RELN: variants seen among roughly 807,000 people sequenced by gnomAD.
RELN encodes the protein reelin.
In RELN, 108 loss-of-function variants were observed where a neutral mutation model predicts 427.6. The ratio of observed to expected loss-of-function variants is 0.25; its 90% CI spans 0.22 to 0.30. The LOEUF is 0.30. Ranked by LOEUF, RELN falls within the 10% of genes least tolerant of loss-of-function variation. RELN has a pLI of 1.00. For synonymous variants in RELN, 1,524 were observed against 1,513.4 expected (o/e 1.01, Z -0.16); for missense variants, 3,715 against 4,302.8 (o/e 0.86, Z 3.82).
At chr7:103,917,921 T>C (rs999605832) in intron 1 of RELN, among the ~76,000 whole-genome samples, 2 of 152,126 alleles carry the variant, frequency 1.3e-5, no homozygotes, top group Non-Finnish European at 2.9e-5. Flanking sequence ...CATAATTTCC[T>C]GCTTGACGTA....
chr7:103,934,345 C>T (rs955106419), intron 1 of RELN, among the ~76,000 whole-genome samples: 18 of 152,170 alleles, frequency 1.2e-4, no homozygotes, highest in Admixed American at 6.5e-4. Flanking sequence ...CTGCCAGACA[C>T]ATTATTTCTT....
intron 11 of RELN, among the ~76,000 whole-genome samples, chr7:103,673,799 G>C (rs1422804921): frequency 6.6e-6 from 1 of 152,102 alleles, no homozygotes; most frequent in African/African-American, 2.4e-5. Context: ...ATCTTACCTA[G>C]AGGGTTTAGA....
At chr7:103,794,962 G>T (rs1157745233) in intron 3 of RELN, among the ~76,000 whole-genome samples, 1 of 152,150 alleles carries the variant, frequency 6.6e-6, no homozygotes, top group Non-Finnish European at 1.5e-5. Context: ...TTACCATACT[G>T]AATACATATG....
intron 3 of RELN, among the ~76,000 whole-genome samples, chr7:103,821,553 G>C (rs78680825): frequency 6.6e-6 from 1 of 152,048 alleles, no homozygotes. Flanking sequence ...CAAAATTAAA[G>C]AATACTTTAG....
intron 2 of RELN, among the ~76,000 whole-genome samples, chr7:103,903,172 A>G (rs1465627410): frequency 3.3e-5 from 5 of 152,168 alleles, no homozygotes; most frequent in Middle Eastern, 3.5e-3. Flanking sequence ...GTATACTTCA[A>G]TCCTGTCTCC....
At chr7:103,745,218 C>T (rs1181212226) in intron 6 of RELN, among the ~76,000 whole-genome samples, 1 of 152,106 alleles carries the variant, frequency 6.6e-6, no homozygotes, top group Non-Finnish European at 1.5e-5. Flanking sequence ...TTCCATAGCC[C>T]TTCATGCTAA....
chr7:103,899,087 C>T (rs1795024920), intron 2 of RELN, among the ~76,000 whole-genome samples: 1 of 151,860 alleles, frequency 6.6e-6, no homozygotes, highest in Non-Finnish European at 1.5e-5. Context: ...CGAATAAACG[C>T]AATAAAAAAT....
intron 2 of RELN, among the ~76,000 whole-genome samples, chr7:103,912,745 T>C (rs781581242): frequency 2.0e-5 from 3 of 151,940 alleles, no homozygotes; most frequent in Non-Finnish European, 4.4e-5. Context: ...TTGGGTAAAA[T>C]CTCTATCTTT....
Position 103,760,995 on chromosome 7 carries a change from G to T in RELN, c.545-7781C>A, listed in dbSNP as rs369628921. 2.0e-5 allele frequency among the ~76,000 whole-genome samples: 3 copies of T among 152,084 alleles called. No homozygotes were observed. In the South Asian group the frequency reaches 6.2e-4, roughly 32 times the overall value. ...ATGTTATAAATTTAGAGTGAAAACAGTTCTCCCTGTGTTCAAGAACATACT... is the reference window on the plus strand; with the variant it reads ...ATGTTATAAATTTAGAGTGAAAACATTTCTCCCTGTGTTCAAGAACATACT... On this transcript the variant is annotated intron_variant, in intron 4 of 64. Transcript: ENST00000428762.
intron 1 of RELN, among the ~76,000 whole-genome samples, chr7:103,967,036 C>T (rs1398112738): frequency 6.6e-6 from 1 of 152,192 alleles, no homozygotes; most frequent in Non-Finnish European, 1.5e-5. Context: ...GTCGTCATTG[C>T]CAATGTTCTA....
At chr7:103,702,465 T>A (rs150419849) in intron 8 of RELN, among the ~76,000 whole-genome samples, 1 of 152,340 alleles carries the variant, frequency 6.6e-6, no homozygotes, top group African/African-American at 2.4e-5. Flanking sequence ...CCTTACAGAA[T>A]GCAATTTCTT....
intron 3 of RELN, among the ~76,000 whole-genome samples, chr7:103,823,857 G>C (rs907895803): frequency 6.7e-6 from 1 of 149,086 alleles, no homozygotes; most frequent in Non-Finnish European, 1.5e-5. Flanking sequence ...CATGGGCCAT[G>C]TGCGGTAAAA....
At chr7:103,497,559 C>T (rs1828878421) in intron 55 of RELN, among the ~76,000 whole-genome samples, 1 of 152,196 alleles carries the variant, frequency 6.6e-6, no homozygotes, top group Non-Finnish European at 1.5e-5. Context: ...ATCACTCAAG[C>T]TTCAGTAAAG....
intron 51 of RELN, among the ~76,000 whole-genome samples, chr7:103,505,053 A>T (rs1829162695): frequency 6.6e-6 from 1 of 152,170 alleles, no homozygotes; most frequent in Non-Finnish European, 1.5e-5. Flanking sequence ...TCTGAAAAAA[A>T]GGCAGCAGCC....
intron 12 of RELN, among the ~76,000 whole-genome samples, chr7:103,660,813 T>G (rs1833124367): frequency 6.6e-6 from 1 of 152,212 alleles, no homozygotes; most frequent in South Asian, 2.1e-4. Context: ...AGTTCAACCT[T>G]CTAACTCCTT....
chr7:103,917,106 C>T lies in RELN; in HGVS notation c.306G>A (p.Gln102=). The change falls in exon 2 of 65, where the codon CAG becomes CAA. Residue 102 remains glutamine, a synonymous_variant. Coordinates refer to ENST00000428762, the MANE Select transcript of RELN (RefSeq NM_005045.4). The part of the protein sequence containing the change: ...LYTSTSVQAS[Q]SIGGSSAFGF... ...CGAAAGCACTGGAACCTCCAATGCT[C>T]TGTGATGCCTGAACACTTGTAGATG... 1 of 1,613,604 alleles carries T rather than the reference C, an allele frequency of 6.2e-7. No individual in the cohort carries two copies. The highest frequency in any genetic ancestry group is 1.7e-5 in the Admixed American group (1 of 59,940).
chr7:103,593,602 T>C, intron 27 of RELN, 80 bp downstream of exon 27: 1 of 1,242,244 alleles, frequency 8.0e-7, no homozygotes, highest in Non-Finnish European at 1.2e-6. Context: ...AAAATTTGTG[T>C]TCTTTGTGAG....
intron 61 of RELN, 127 bp from the exon 62 acceptor site, chr7:103,483,977 T>A: frequency 1.1e-6 from 1 of 924,562 alleles, no homozygotes; most frequent in East Asian, 2.6e-5. Context: ...CCTACTGGGT[T>A]CAAGCGATTT....
At chr7:103,932,367 C>G (rs1041009337) in intron 1 of RELN, among the ~76,000 whole-genome samples, 2 of 152,106 alleles carry the variant, frequency 1.3e-5, no homozygotes, top group Non-Finnish European at 2.9e-5. Context: ...ATGGGAACAA[C>G]AGACACTGGG....
Sources: gnomAD v4.1 joint callset for allele counts (sites outside exome capture counted in the v4.1 genomes callset) on GRCh38, gnomAD v4.1.1 for gene constraint, MANE v1.5 for transcripts, NCBI Gene and HGNC (gene_info 2026-07-23, HGNC 2026-07-21) for gene names.